The following NUF2 variants were observed in gnomAD, a reference collection of about 807,000 sequenced individuals.
NUF2 encodes the protein kinetochore protein Nuf2.
NUF2 carries 34 observed loss-of-function variants against 61.8 expected under a neutral mutation model. The observed-to-expected ratio is 0.55, with a 90% CI of 0.42 to 0.73. The LOEUF is 0.73. Among genes scored for constraint, NUF2 ranks in the 30% least tolerant of loss-of-function variants. The pLI is 0.00. For synonymous variants in NUF2, 172 were observed against 181.6 expected, an observed-to-expected ratio of 0.95 and a Z score of 0.42; for missense variants, 445 against 539.1, an observed-to-expected ratio of 0.83 and a Z score of 1.73.
chr1:163,350,301 CAAA>C (rs759212484), intron 13 of NUF2, among the ~76,000 whole-genome samples: 1 of 126,024 alleles, frequency 7.9e-6, no homozygotes, highest in Admixed American at 8.0e-5. Context: ...GACTCCGTCT[CAAA>C]AAAAAAAAAA....
chr1:163,324,574 G>A (rs1309939679), intron 1 of NUF2, among the ~76,000 whole-genome samples: 1 of 152,138 alleles, frequency 6.6e-6, no homozygotes, highest in Non-Finnish European at 1.5e-5. Flanking sequence ...CAATTTGTTT[G>A]CAAAATTGAA....
chr1:163,353,650 G>GA (rs1447924438), intron 13 of NUF2, among the ~76,000 whole-genome samples: 1 of 152,152 alleles, frequency 6.6e-6, no homozygotes, highest in Non-Finnish European at 1.5e-5. Context: ...TATTATATGT[G>GA]AATTAGGGTG....
intron 5 of NUF2, among the ~76,000 whole-genome samples, chr1:163,334,923 T>C (rs2101674942): frequency 6.6e-6 from 1 of 152,238 alleles, no homozygotes; most frequent in Non-Finnish European, 1.5e-5. Context: ...GACTGTACTA[T>C]GCCATTTTTT....
At chr1:163,351,630 T>G (rs2101692698) in intron 13 of NUF2, among the ~76,000 whole-genome samples, 1 of 152,338 alleles carries the variant, frequency 6.6e-6, no homozygotes, top group East Asian at 1.9e-4. Context: ...ATCAAAACTT[T>G]GGGTACAATT....
intron 9 of NUF2, among the ~76,000 whole-genome samples, chr1:163,342,115 AT>A (rs1225203332): frequency 6.6e-6 from 1 of 152,114 alleles, no homozygotes; most frequent in African/African-American, 2.4e-5. Flanking sequence ...TATTCGTCAG[AT>A]TATTTTTTAA....
chr1:163,325,390 TA>T (rs1446360574), intron 1 of NUF2, among the ~76,000 whole-genome samples: 4 of 152,302 alleles, frequency 2.6e-5, no homozygotes, highest in African/African-American at 9.6e-5. Flanking sequence ...ACTACTACGC[TA>T]GGGGGACACA....
intron 5 of NUF2, among the ~76,000 whole-genome samples, chr1:163,331,310 A>G (rs1422755794): frequency 2.6e-5 from 4 of 151,822 alleles, no homozygotes; most frequent in South Asian, 2.1e-4. Flanking sequence ...ACCAAATTAC[A>G]TTACTTGATT....
intron 5 of NUF2, 71 bp downstream of exon 5, chr1:163,328,978 TAAA>T (rs5778324): frequency 3.8e-3 from 1,793 of 471,914 alleles, no homozygotes; most frequent in South Asian, 9.1e-3. Context: ...TCAGTAAATG[TAAA>T]AAAAAAAAAA....
intron 1 of NUF2, among the ~76,000 whole-genome samples, chr1:163,324,902 T>TTCTTTC (rs1553230293): frequency 0.15 from 11,650 of 77,380 alleles, 517 homozygotes; most frequent in South Asian, 0.33. Context: ...TTTTCTTTCT[T>TTCTTTC]TTTTTTTTTT....
intron 9 of NUF2, among the ~76,000 whole-genome samples, chr1:163,342,572 T>C (rs886980945): frequency 6.6e-6 from 1 of 152,214 alleles, no homozygotes; most frequent in Non-Finnish European, 1.5e-5. Context: ...GAATCTTTTC[T>C]TTTAAGTTAA....
At chr1:163,322,604 C>T (rs1339507970) in intron 1 of NUF2, among the ~76,000 whole-genome samples, 1 of 152,208 alleles carries the variant, frequency 6.6e-6, no homozygotes, top group Non-Finnish European at 1.5e-5. Context: ...TTACTTAATT[C>T]ATTGAAGTTG....
Position 163,327,249 on chromosome 1 carries a change from G to A in NUF2, c.124-239G>A, listed in dbSNP as rs1316144275. Among the ~76,000 whole-genome samples the A allele has an allele frequency of 2.6e-5, 4 of 151,872 alleles. No homozygotes were observed. In the East Asian group the frequency reaches 7.7e-4, roughly 29 times the overall value. ...GGATGGGTTGCTTGGATTGGATTTGGGTATACTTGCTCTCATTCTTAAACA... is the reference window on the plus strand; with the variant it reads ...GGATGGGTTGCTTGGATTGGATTTGAGTATACTTGCTCTCATTCTTAAACA... On this transcript the variant is annotated intron_variant, in intron 2 of 13. Transcript: ENST00000271452.
chr1:163,326,528 C>G (rs1413371333), intron 2 of NUF2, among the ~76,000 whole-genome samples: 1 of 151,924 alleles, frequency 6.6e-6, no homozygotes, highest in African/African-American at 2.4e-5. Context: ...AAGTGGTTTT[C>G]AACCACAAAA....
At chr1:163,355,249 A>G (rs887325469) in intron 13 of NUF2, 86 bp from the exon 14 acceptor site, 19 of 990,146 alleles carry the variant, frequency 1.9e-5, no homozygotes, top group Non-Finnish European at 2.3e-5. Context: ...ATTAATAAAT[A>G]TGAATAAACT....
chr1:163,337,943 T>C (rs1412792995), intron 6 of NUF2, 77 bp from the exon 7 acceptor site: 4 of 1,059,686 alleles, frequency 3.8e-6, no homozygotes, highest in Admixed American at 3.5e-5. Flanking sequence ...GTTCAAACTA[T>C]AGTATGAGTA....
intron 5 of NUF2, among the ~76,000 whole-genome samples, chr1:163,332,724 T>C (rs1165572752): frequency 1.3e-5 from 2 of 152,198 alleles, no homozygotes; most frequent in Non-Finnish European, 2.9e-5. Flanking sequence ...CCAATCTCTC[T>C]CTACTTTCCT....
chr1:163,337,679 G>T (rs1245812095), intron 6 of NUF2, among the ~76,000 whole-genome samples: 1 of 151,988 alleles, frequency 6.6e-6, no homozygotes, highest in Non-Finnish European at 1.5e-5. Flanking sequence ...TACCCAAGTT[G>T]GGTTAGATGT....
chr1:163,340,744 T>A (rs1650917363), intron 9 of NUF2, among the ~76,000 whole-genome samples: 1 of 152,170 alleles, frequency 6.6e-6, no homozygotes, highest in Admixed American at 6.5e-5. Flanking sequence ...TCTTACCTGC[T>A]TTTTTCTCCA....
Position 163,328,234 on chromosome 1 carries a change from G to C in NUF2, c.205G>C (p.Val69Leu), listed in dbSNP as rs764180881. 1.4e-5 allele frequency: 22 copies of C among 1,603,796 alleles called. No individual in the cohort carries two copies. Among genetic ancestry groups the C allele is most frequent in the Non-Finnish European group, 1.9e-5 (22 of 1,174,516 alleles). The change falls in exon 4 of 14, where the codon GTG becomes CTG. Residue 69 changes from valine (V) to leucine (L), a missense_variant. By Grantham distance (32) the Val-to-Leu change is conservative. Coordinates refer to ENST00000271452, the MANE Select transcript of NUF2 (RefSeq NM_145697.3). ...TGTGGTTTATTGCATTTAGATGCCA[G>C]TGAACTCTGAAGTCATGTATCCACA... is the stretch of plus-strand genomic sequence containing the variant. ...IRLEHFYMMP[V>L]NSEVMYPHLM...
Sources: allele counts gnomAD v4.1 joint callset (sites outside exome capture counted in the v4.1 genomes callset), GRCh38; gene constraint gnomAD v4.1.1; transcripts MANE v1.5; gene names NCBI Gene and HGNC (gene_info 2026-07-23, HGNC 2026-07-21).